Variants in METTL22 observed in about 807,000 individuals in gnomAD.
The protein encoded by METTL22 is methyltransferase-like protein 22.
A neutral mutation model predicts 48.4 loss-of-function variants in METTL22; 51 were observed. The ratio of observed to expected loss-of-function variants is 1.05; its 90% CI spans 0.84 to 1.33. METTL22 has a LOEUF of 1.33. METTL22 is among the 40% of genes most tolerant of loss of function. The pLI is 0.00. For synonymous variants in METTL22, 255 were observed against 214.1 expected, an observed-to-expected ratio of 1.19 and a Z score of -1.67; for missense variants, 678 against 526.9, an observed-to-expected ratio of 1.29 and a Z score of -2.81.
downstream of METTL22, chr16:8,649,658 G>A (rs1031981436): frequency 6.6e-6 from 1 of 151,822 alleles, no homozygotes; most frequent in African/African-American, 2.4e-5. Flanking sequence ...AAAAAAATTA[G>A]CTGGGCGTGG....
intron 2 of METTL22, among the ~76,000 whole-genome samples, chr16:8,628,304 C>G (rs1487998827): frequency 1.3e-5 from 2 of 152,184 alleles, no homozygotes; most frequent in Non-Finnish European, 2.9e-5. Flanking sequence ...AATGGATGAT[C>G]GGACAGATTC....
intron 1 of METTL22, among the ~76,000 whole-genome samples, chr16:8,622,420 C>T (rs796881992): frequency 9.9e-5 from 15 of 152,278 alleles, no homozygotes; most frequent in African/African-American, 3.6e-4. Flanking sequence ...GAGCCAAGAA[C>T]ACGTTAGCTC....
chr16:8,665,137 A>T, the METTL22 span, among the ~76,000 whole-genome samples: 3 of 64,762 alleles, frequency 4.6e-5, no homozygotes, highest in Non-Finnish European at 1.2e-4. Context: ...TCTACTAAAA[A>T]TACAAAAAAA....
rs532412458 is a variant in METTL22 at position 8,647,967 on chromosome 16, C to T, written c.*1824C>T. 6.6e-6 allele frequency: 1 copy of T among 152,420 alleles called. No individual in the cohort carries two copies. Among genetic ancestry groups the T allele is most frequent in the African/African-American group, 2.4e-5 (1 of 41,592 alleles). 9.4% of individuals were successfully genotyped at this position (152,420 alleles called of 1,614,324 possible). A position where few individuals can be genotyped will look rare whatever the true frequency, so the allele number is the denominator to read the frequency against. ...TGTCCATCTGACTCCTGAGCCTGTGCTTTTCCCACATTCCCGCTGGAGCAG... is the reference window on the plus strand; with the variant it reads ...TGTCCATCTGACTCCTGAGCCTGTGTTTTTCCCACATTCCCGCTGGAGCAG... On this transcript the variant is annotated 3_prime_UTR_variant, in exon 11 of 11. Transcript: ENST00000381920.
intron 3 of METTL22, among the ~76,000 whole-genome samples, chr16:8,629,732 G>C (rs2056189980): frequency 6.6e-6 from 1 of 152,154 alleles, no homozygotes; most frequent in African/African-American, 2.4e-5. Flanking sequence ...ACCCAGGTAT[G>C]GGGGCAGAGC....
intron 1 of METTL22, among the ~76,000 whole-genome samples, chr16:8,622,466 G>A (rs1232794959): frequency 6.6e-6 from 1 of 152,148 alleles, no homozygotes; most frequent in African/African-American, 2.4e-5. Flanking sequence ...CTATGGAGAG[G>A]TGGTGGGGCA....
Position 8,642,576 on chromosome 16 carries a change from C to A in METTL22, c.1010+11C>A, listed in dbSNP as rs545510299. On this transcript the variant is annotated intron_variant, in intron 9 of 10. Coordinates refer to ENST00000381920, the MANE Select transcript of METTL22 (RefSeq NM_024109.4). ...GTCGGTGGAGAAGAGGTGAGCTTTG[C>A]GCCACGGGAACCGTGCTGACGTCCC... 1.2e-6 allele frequency: 2 copies of A among 1,612,542 alleles called. No individual in the cohort carries two copies. Among genetic ancestry groups the A allele is most frequent in the South Asian group, 1.1e-5 (1 of 91,048 alleles).
In METTL22 at chr16:8,621,782, G is replaced by C. The variant is rs796113672; in HGVS notation, c.-171+7G>C. 1 of 152,282 alleles carries C rather than the reference G, an allele frequency of 6.6e-6. No homozygotes were observed. The highest frequency in any genetic ancestry group is 2.4e-5 in the African/African-American group (1 of 41,468). 9.4% of individuals were successfully genotyped at this position (152,282 alleles called of 1,614,324 possible). ...AGGCTGGGCCCCGCGGCGGGTAAGT[G>C]CCTGGGAGAGGCGGCGGGATAGGGT... On this transcript the variant is annotated splice_region_variant and intron_variant, in intron 1 of 10. Coordinates refer to ENST00000381920, the MANE Select transcript of METTL22 (RefSeq NM_024109.4).
At chr16:8,643,533 G>A (rs901237075) in intron 9 of METTL22, among the ~76,000 whole-genome samples, 2 of 152,244 alleles carry the variant, frequency 1.3e-5, no homozygotes, top group Non-Finnish European at 2.9e-5. Context: ...GAGGGCAGGG[G>A]GCCCCGGGAA....
intron 3 of METTL22, chr16:8,632,020 A>G (rs1015564770): frequency 3.3e-5 from 5 of 152,232 alleles, no homozygotes; most frequent in Admixed American, 6.5e-5. Context: ...ATGAAGAAGC[A>G]TATTTACCCA....
the METTL22 span, among the ~76,000 whole-genome samples, chr16:8,656,234 A>G: frequency 1.3e-5 from 2 of 152,228 alleles, no homozygotes; most frequent in Non-Finnish European, 2.9e-5. Flanking sequence ...GGTGTGCACC[A>G]CTGTTCCTGG....
At chr16:8,636,183 G>A (rs938485708) in intron 5 of METTL22, among the ~76,000 whole-genome samples, 2 of 151,890 alleles carry the variant, frequency 1.3e-5, no homozygotes, top group African/African-American at 4.8e-5. Context: ...TTTACCCGTT[G>A]TTTAGCTCCC....
chr16:8,657,353 C>A, the METTL22 span, among the ~76,000 whole-genome samples: 43,207 of 152,020 alleles, frequency 0.28, 7,516 homozygotes, highest in African/African-American at 0.49. Flanking sequence ...ATAATTTGTG[C>A]GTAGTTAAAT....
intron 1 of METTL22, chr16:8,624,249 C>G (rs919639204): frequency 6.6e-6 from 1 of 152,204 alleles, no homozygotes; most frequent in Non-Finnish European, 1.5e-5. Context: ...CACTTTGCCT[C>G]AGCCATGGTT....
At chr16:8,656,786 AT>A in the METTL22 span, among the ~76,000 whole-genome samples, 2 of 152,234 alleles carry the variant, frequency 1.3e-5, no homozygotes, top group African/African-American at 2.4e-5. Flanking sequence ...ATTAACAGAA[AT>A]GTATTGGCTC....
intron 5 of METTL22, among the ~76,000 whole-genome samples, chr16:8,638,016 G>C (rs944016825): frequency 3.3e-5 from 5 of 152,000 alleles, no homozygotes; most frequent in Admixed American, 6.6e-5. Context: ...GCATGGTGGC[G>C]TGTGCCTATA....
At chr16:8,622,127 G>A (rs908876473) in intron 1 of METTL22, among the ~76,000 whole-genome samples, 2 of 152,280 alleles carry the variant, frequency 1.3e-5, no homozygotes, top group African/African-American at 4.8e-5. Context: ...GGACGTCCCC[G>A]GAGCCCCTCA....
At chr16:8,653,499 G>C (rs1157691509), downstream of METTL22, among the ~76,000 whole-genome samples, 1 of 152,098 alleles carries the variant, frequency 6.6e-6, no homozygotes, top group Non-Finnish European at 1.5e-5. Flanking sequence ...GAATGGAAAG[G>C]GTATAAAACA....
At chr16:8,635,403 A>G in intron 5 of METTL22, 91 bp downstream of exon 5, 1 of 1,429,974 alleles carries the variant, frequency 7.0e-7, no homozygotes, top group Non-Finnish European at 9.2e-7. Context: ...GGCACTGGAA[A>G]TTGGATGTTA....
Sources: gnomAD v4.1 joint callset for allele counts (sites outside exome capture counted in the v4.1 genomes callset) on GRCh38, gnomAD v4.1.1 for gene constraint, MANE v1.5 for transcripts, NCBI Gene and HGNC (gene_info 2026-07-23, HGNC 2026-07-21) for gene names.